The following DHX8 variants were observed in gnomAD, a reference collection of about 807,000 sequenced individuals.
DHX8 encodes the protein DEAH-box helicase 8.
Under a neutral mutation model 140.7 loss-of-function variants are expected in DHX8, and 67 were observed. The observed-to-expected ratio is 0.48, with a 90% CI of 0.39 to 0.58. The LOEUF (loss-of-function observed/expected upper bound fraction) is 0.58, where lower values mean the gene tolerates loss of function less well. Ranked by LOEUF, DHX8 falls within the 20% of genes least tolerant of loss-of-function variation. The probability of loss-of-function intolerance (pLI) is 0.00; values close to 1 mark genes in which losing one functional copy is unlikely to be tolerated. For synonymous variants in DHX8, 533 were observed against 553.2 expected, an observed-to-expected ratio of 0.96 and a Z score of 0.51; for missense variants, 887 against 1,550.7, an observed-to-expected ratio of 0.57 and a Z score of 7.19.
At chr17:43,511,456 A>ATTTTGTTTTTTTTTTT (rs1969822523) in intron 16 of DHX8, among the ~76,000 whole-genome samples, 1 of 56,790 alleles carries the variant, frequency 1.8e-5, no homozygotes, top group Non-Finnish European at 2.9e-5. Context: ...TGATCCCAGC[A>ATTTTGTTTTTTTTTTT]TTTTTTTTTT....
intron 12 of DHX8, among the ~76,000 whole-genome samples, chr17:43,506,136 T>C (rs906645450): frequency 6.6e-6 from 1 of 151,856 alleles, no homozygotes; most frequent in Admixed American, 6.6e-5. Flanking sequence ...CCCAAGTAGA[T>C]GGGACTACAA....
At chr17:43,492,537 G>C (rs966071031) in intron 5 of DHX8, 144 bp from the exon 6 acceptor site, 2 of 636,586 alleles carry the variant, frequency 3.1e-6, no homozygotes, top group African/African-American at 3.7e-5. Flanking sequence ...TGGCTTATAG[G>C]GATGTCGTAG....
At chr17:43,528,979 G>A (rs973876732), downstream of DHX8, among the ~76,000 whole-genome samples, 3 of 151,966 alleles carry the variant, frequency 2.0e-5, no homozygotes, top group African/African-American at 7.3e-5. Context: ...TTTGGGGGAG[G>A]AGAACCTTGG....
chr17:43,538,032 G>A (rs1840326903), intron 3 of DHX8, among the ~76,000 whole-genome samples: 1 of 151,770 alleles, frequency 6.6e-6, no homozygotes, highest in African/African-American at 2.4e-5. Context: ...CCTGAGGCAG[G>A]AGTATGCCTG....
At chr17:43,502,767 A>G (rs1272010077) in intron 11 of DHX8, among the ~76,000 whole-genome samples, 3 of 152,212 alleles carry the variant, frequency 2.0e-5, no homozygotes, top group Non-Finnish European at 2.9e-5. Context: ...CGACAAAAAT[A>G]AAAACCAAAA....
At chr17:43,511,955 G>A (rs921039469) in intron 16 of DHX8, among the ~76,000 whole-genome samples, 2 of 151,888 alleles carry the variant, frequency 1.3e-5, no homozygotes, top group African/African-American at 2.4e-5. Flanking sequence ...GGGAGGGTGA[G>A]GCTGCTATGA....
chr17:43,490,551 T>C, intron 3 of DHX8, 88 bp downstream of exon 3: 12 of 1,089,412 alleles, frequency 1.1e-5, no homozygotes, highest in Non-Finnish European at 1.6e-5. Flanking sequence ...CTCTCAGCAG[T>C]TGCTGAGCAA....
At chr17:43,506,946 A>T in intron 12 of DHX8, 57 bp from the exon 13 acceptor site, 1 of 1,332,286 alleles carries the variant, frequency 7.5e-7, no homozygotes, top group Non-Finnish European at 1.0e-6. Flanking sequence ...CTGTTTAATG[A>T]CCATATTTAT....
chr17:43,490,247 G>A (rs890053091), intron 2 of DHX8, 144 bp from the exon 3 acceptor site: 1 of 627,534 alleles, frequency 1.6e-6, no homozygotes. Flanking sequence ...GCTACACCAG[G>A]TTGACACACT....
downstream of DHX8, chr17:43,528,178 C>T (rs781663777): frequency 1.9e-5 from 5 of 258,294 alleles, no homozygotes; most frequent in South Asian, 1.6e-4. Flanking sequence ...AGTTGGGAAG[C>T]GCCTTCTCTG....
At chr17:43,541,812 A>T (rs1026981718) in intron 3 of DHX8, among the ~76,000 whole-genome samples, 3 of 152,142 alleles carry the variant, frequency 2.0e-5, no homozygotes, top group African/African-American at 7.2e-5. Flanking sequence ...TGGAGGGGAC[A>T]TATTTGTCCC....
intron 22 of DHX8, 82 bp downstream of exon 22, chr17:43,522,308 C>A: frequency 7.2e-7 from 1 of 1,382,200 alleles, no homozygotes; most frequent in Non-Finnish European, 9.9e-7. Flanking sequence ...GTGATTGTGT[C>A]TTCACTACTC....
At chr17:43,533,138 T>C in intron 2 of DHX8, 2 of 1,599,000 alleles carry the variant, frequency 1.3e-6, no homozygotes, top group Non-Finnish European at 8.5e-7. Flanking sequence ...CACTCAGGAA[T>C]TGAAAAAACA....
In DHX8 at chr17:43,525,156, T is replaced by TA. The variant is rs746508123; in HGVS notation, c.*1310dup. ...TCTTGCCAGGCCAGGTTTCGGAACTTACGGAAAGCTGGTCTGGATGTAGTG... is the reference window on the plus strand; with the variant it reads ...TCTTGCCAGGCCAGGTTTCGGAACTTAACGGAAAGCTGGTCTGGATGTAGTG... On this transcript the variant is annotated 3_prime_UTR_variant, in exon 23 of 23. Transcript: ENST00000262415. 82 of 985,292 alleles carry TA rather than the reference T, an allele frequency of 8.3e-5. No individual in the cohort carries two copies. Among genetic ancestry groups the TA allele is most frequent in the Non-Finnish European group, 9.5e-5 (79 of 829,952 alleles). The allele number at this position is 985,292 out of a possible 1,614,324, so 61.0% of individuals were successfully genotyped here. A position where few individuals can be genotyped will look rare whatever the true frequency, so the allele number is the denominator to read the frequency against.
At chr17:43,533,920 G>C in intron 2 of DHX8, 1 of 1,586,912 alleles carries the variant, frequency 6.3e-7, no homozygotes, top group East Asian at 2.3e-5. Context: ...CTGCAGGACA[G>C]GGCCGGGTCT....
chr17:43,543,296 T>TCTCTCTCTCTCACA (rs888736657), intron 3 of DHX8, among the ~76,000 whole-genome samples: 1 of 143,358 alleles, frequency 7.0e-6, no homozygotes, highest in African/African-American at 2.6e-5. Flanking sequence ...TCTCTCTCTC[T>TCTCTCTCTCTCACA]CACACACACA....
chr17:43,515,142 G>T (rs9913605), intron 17 of DHX8, among the ~76,000 whole-genome samples: 6 of 151,738 alleles, frequency 4.0e-5, no homozygotes, highest in Admixed American at 2.6e-4. Flanking sequence ...AAGCCTTAAG[G>T]CTATTTTTAT....
intron 3 of DHX8, chr17:43,544,108 T>C (rs924568998): frequency 1.3e-5 from 2 of 152,154 alleles, no homozygotes; most frequent in Admixed American, 1.3e-4. Context: ...TGGGGGTAGT[T>C]AACCCTTCCC....
chr17:43,507,984 T>G lies in DHX8; in HGVS notation c.2285T>G (p.Ile762Ser). The change falls in exon 15 of 23, where the codon ATT (isoleucine) becomes AGT (serine). Residue 762 changes from isoleucine (I) to serine (S), a missense_variant. Physicochemically the swap from Ile to Ser is moderately radical, Grantham distance 142. Coordinates refer to ENST00000262415, the MANE Select transcript of DHX8 (RefSeq NM_004941.3). ...ACAGATTATCTGGATGCCAGCCTGA[T>G]TACTGTTATGCAGATTCATTTAACA... ...PETDYLDASL[I>S]TVMQIHLTEP... 6.2e-7 allele frequency: 1 copy of G among 1,614,210 alleles called. No homozygotes were observed. Among genetic ancestry groups the G allele is most frequent in the Non-Finnish European group, 8.5e-7 (1 of 1,180,036 alleles).
Sources: gnomAD v4.1 joint callset for allele counts (sites outside exome capture counted in the v4.1 genomes callset) on GRCh38, gnomAD v4.1.1 for gene constraint, MANE v1.5 for transcripts, NCBI Gene and HGNC (gene_info 2026-07-23, HGNC 2026-07-21) for gene names.